ZP4: variants seen among roughly 807,000 people sequenced by gnomAD.
ZP4 encodes the protein zona pellucida glycoprotein 4.
Under a neutral mutation model 62.3 loss-of-function variants are expected in ZP4, and 62 were observed. The ratio of observed to expected loss-of-function variants is 0.99; its 90% CI spans 0.81 to 1.23. The LOEUF (loss-of-function observed/expected upper bound fraction) is 1.23, where lower values mean the gene tolerates loss of function less well. ZP4 is among the 50% of genes most tolerant of loss of function. The pLI is 0.00. For synonymous variants in ZP4, 289 were observed against 247.3 expected (o/e 1.17, Z -1.58); for missense variants, 774 against 656.0 (o/e 1.18, Z -1.97).
chr1:237,889,898 C>T lies in ZP4; in HGVS notation c.369G>A (p.Arg123=), dbSNP rs1665197267. The change falls in exon 3 of 12, where the codon AGG becomes AGA. Residue 123 remains arginine, a synonymous_variant. Transcript: ENST00000366570. ...GATCCATAGGACACTTGAGCAGCTT[C>T]CTCTCTGTAACCACCTTGTGTTCAG... The part of the protein sequence containing the change: ...GAAEHKVVTE[R]KLLKCPMDLL... The T allele has an allele frequency of 2.5e-6, 4 of 1,608,986 alleles. No individual in the cohort carries two copies. The highest frequency in any genetic ancestry group is 1.3e-5 in the African/African-American group (1 of 74,844).
At position 237,887,312 on chromosome 1, in the gene ZP4, C is replaced by T. The variant is rs527779020; in HGVS notation, c.741+62G>A. ...CGGCCAACATATTTCAGCTCTCCCCCACTAGTCACTACAACCTTCCCACCC... is the reference window on the plus strand; with the variant it reads ...CGGCCAACATATTTCAGCTCTCCCCTACTAGTCACTACAACCTTCCCACCC... On this transcript the variant is annotated intron_variant, in intron 5 of 11. Coordinates refer to ENST00000366570, the MANE Select transcript of ZP4 (RefSeq NM_021186.5). 2.8e-5 allele frequency: 44 copies of T among 1,567,204 alleles called. No homozygotes were observed. In the African/African-American group the frequency reaches 5.3e-4, roughly 19 times the overall value.
rs1395765976 is a variant in ZP4, at chr1:237,886,847, A to G, written c.763T>C (p.Tyr255His). Residue 255 changes from tyrosine to histidine, a missense_variant, in exon 6 of 12, where the codon TAT becomes CAT. By Grantham distance (83) the Tyr-to-His change is moderately conservative. Coordinates refer to ENST00000366570, the MANE Select transcript of ZP4 (RefSeq NM_021186.5). ...CTAGTTGCCACCAGTTCATTTTCAT[A>G]TACTGCTCGGTCTCCAGTGATCTAC... is the stretch of plus-strand genomic sequence containing the variant. ...TRQITGDRAVYENELVATRDV... is the reference protein window; with the variant it reads ...TRQITGDRAVHENELVATRDV... 2 of 1,614,022 alleles carry G rather than the reference A, an allele frequency of 1.2e-6. No homozygotes were observed. The highest frequency in any genetic ancestry group is 1.7e-5 in the Admixed American group (1 of 60,012).
intron 3 of ZP4, 49 bp downstream of exon 3, chr1:237,889,818 A>AC: frequency 2.4e-5 from 36 of 1,506,548 alleles, no homozygotes; most frequent in Non-Finnish European, 2.7e-5. Flanking sequence ...GTACTTTCAC[A>AC]CCCCACCCCC....
rs1665119032 is a variant in ZP4, at chr1:237,887,007, G to A, written c.742-139C>T. On this transcript the variant is annotated intron_variant, in intron 5 of 11. Transcript: ENST00000366570. ...ACTTCAGCAGAGGTAAGAACACATA[G>A]CAGTGACATCCTGGCAAGTTATCAC... The A allele has an allele frequency of 5.4e-6, 4 of 742,272 alleles. No homozygotes were observed. In the Admixed American group the frequency reaches 8.2e-5, roughly 15 times the overall value. 46.0% of individuals were successfully genotyped at this position (742,272 alleles called of 1,614,324 possible).
intron 7 of ZP4, 81 bp downstream of exon 7, chr1:237,885,675 T>C: frequency 6.3e-7 from 1 of 1,594,612 alleles, no homozygotes; most frequent in Admixed American, 1.7e-5. Flanking sequence ...CTTAAGTGTC[T>C]TGTTACTAAC....
At position 237,882,518 on chromosome 1, in the gene ZP4, C is replaced by G; in HGVS notation, c.1527G>C (p.Val509=). Residue 509 remains valine (V), a synonymous_variant, in exon 12 of 12, where the codon GTG becomes GTC. Coordinates refer to ENST00000366570, the MANE Select transcript of ZP4 (RefSeq NM_021186.5). ...RVPVDSKVLW[V]AGLSGTLILG... is the part of the protein sequence containing the mutation. ...GGATTAAGGTCCCAGAAAGGCCTGCCACCCACAGAACTTTCGAGTCTACAG... is the reference window on the plus strand; with the variant it reads ...GGATTAAGGTCCCAGAAAGGCCTGCGACCCACAGAACTTTCGAGTCTACAG... 6.2e-7 allele frequency: 1 copy of G among 1,606,958 alleles called. No homozygotes were observed.
At chr1:237,883,362 A>C (rs12091883) in intron 10 of ZP4, among the ~76,000 whole-genome samples, 2,697 of 151,804 alleles carry the variant, frequency 0.018, 74 homozygotes, top group African/African-American at 0.057. Context: ...CAGTGAGGAA[A>C]AAAAGCTTTC....
In ZP4 at chr1:237,884,818, GC is replaced by G. The variant is rs777513126; in HGVS notation, c.1340del (p.Cys447SerfsTer11). On this transcript the variant is annotated frameshift_variant, in exon 10 of 12. Transcript: ENST00000366570. LOFTEE classifies it high-confidence loss of function. ...CACAGGATGGTGTCTCAGCAGGCTG[GC>G]AGACTGACACGCTGCAGTGCAGATG... The part of the protein sequence containing the change: ...PVHLHCSVSV[C>X]QPAETPSCVV... The G allele has an allele frequency of 6.2e-7, 1 of 1,613,558 alleles. No homozygotes were observed. Among genetic ancestry groups the G allele is most frequent in the South Asian group, 1.1e-5 (1 of 90,854 alleles).
Position 237,888,429 on chromosome 1 carries a change from C to A in ZP4, c.482G>T (p.Arg161Leu). ...ACAGCCTAGCCCTTCACAGTCTCCT[C>A]GAGAGATGGGTGAAGGTGCACATGG... is the stretch of plus-strand genomic sequence containing the variant. ...RLPCAPSPIS[R>L]GDCEGLGCCY... The change falls in exon 4 of 12, where the codon CGA becomes CTA. Residue 161 changes from arginine (R) to leucine (L), a missense_variant. Transcript: ENST00000366570. 6.2e-7 allele frequency: 1 copy of A among 1,612,292 alleles called. No homozygotes were observed. The highest frequency in any genetic ancestry group is 1.1e-5 in the South Asian group (1 of 90,684).
Position 237,883,983 on chromosome 1 carries a change from AACACACACACACACAC to A in ZP4, c.1390+770_1390+785del, listed in dbSNP as rs1173733667. On this transcript the variant is annotated intron_variant, in intron 10 of 11. Coordinates refer to ENST00000366570, the MANE Select transcript of ZP4 (RefSeq NM_021186.5). ...ACACACACAAACACACACACACACA[AACACACACACACACAC>A]ACACACACACACACACAAACACACA... is the stretch of plus-strand genomic sequence containing the variant. Among the ~76,000 whole-genome samples the A allele has an allele frequency of 4.0e-4, 17 of 42,420 alleles. No homozygotes were observed. The South Asian group carries it at 0.015, about 37-fold the overall frequency. The allele number at this position is 42,420 out of a possible 152,430, so 27.8% of individuals were successfully genotyped here.
chr1:237,882,786 G>C lies in ZP4; in HGVS notation c.1451C>G (p.Pro484Arg). ...NTTASVSSKG[P>R]MILLQATKDP... Reference sequence around the variant, plus strand: ...CTTAGTGGCTTGGAGTAGAATCATGGGGCCTTTGCTAGAAACACTAGCAGT... The same window carrying C: ...CTTAGTGGCTTGGAGTAGAATCATGCGGCCTTTGCTAGAAACACTAGCAGT... The change falls in exon 11 of 12, where the codon CCC becomes CGC. Residue 484 changes from proline (P) to arginine (R), a missense_variant. Pro to Arg is a moderately radical substitution (Grantham distance 103, BLOSUM62 -2). Transcript: ENST00000366570. The C allele has an allele frequency of 6.2e-7, 1 of 1,614,102 alleles. No individual in the cohort carries two copies. Among genetic ancestry groups the C allele is most frequent in the Non-Finnish European group, 8.5e-7 (1 of 1,180,014 alleles).
At chr1:237,887,237 T>C in intron 5 of ZP4, 137 bp downstream of exon 5, 1 of 984,166 alleles carries the variant, frequency 1.0e-6, no homozygotes, top group South Asian at 1.6e-5. Context: ...GGCATTCTCC[T>C]GCCCTAGGGA....
chr1:237,887,326 A>G (rs373501941), intron 5 of ZP4, 48 bp downstream of exon 5: 1 of 1,597,488 alleles, frequency 6.3e-7, no homozygotes, highest in Non-Finnish European at 8.5e-7. Context: ...AGTCACTACA[A>G]CCTTCCCACC....
chr1:237,890,049 A>G lies in ZP4; in HGVS notation c.297+6T>C, dbSNP rs544017319. ...ACAGTCTCCCTGGCCATTGGGTCAT[A>G]CTCACCCACTCAGTGACATAGCAGC... On this transcript the variant is annotated splice_donor_region_variant and intron_variant, in intron 2 of 11. Coordinates refer to ENST00000366570, the MANE Select transcript of ZP4 (RefSeq NM_021186.5). 2 of 1,613,890 alleles carry G rather than the reference A, an allele frequency of 1.2e-6. No individual in the cohort carries two copies. The highest frequency in any genetic ancestry group is 2.7e-5 in the African/African-American group (2 of 74,952).
intron 3 of ZP4, 60 bp downstream of exon 3, chr1:237,889,807 A>G: frequency 2.1e-6 from 3 of 1,462,604 alleles, no homozygotes; most frequent in South Asian, 2.3e-5. Flanking sequence ...GAGGACCAAG[A>G]GTACTTTCAC....
rs763429007 is a variant in ZP4 at position 237,887,429 on chromosome 1, G to A, written c.686C>T (p.Thr229Ile). 2 of 1,614,096 alleles carry A rather than the reference G, an allele frequency of 1.2e-6. No homozygotes were observed. Among genetic ancestry groups the A allele is most frequent in the African/African-American group, 1.3e-5 (1 of 74,940 alleles). Residue 229 changes from threonine to isoleucine, a missense_variant, in exon 5 of 12, where the codon ACA (threonine) becomes ATA (isoleucine). By Grantham distance (89) the Thr-to-Ile change is moderately conservative. Coordinates refer to ENST00000366570, the MANE Select transcript of ZP4 (RefSeq NM_021186.5). The part of the protein sequence containing the change: ...NDSACNPVMA[T>I]QAFVLFQFPF... ...AAACTGGAACAGAACAAAAGCTTGT[G>A]TTGCCATCACAGGGTTACACGCACT...
In ZP4 at chr1:237,886,993, G is replaced by A. The variant is rs942422085; in HGVS notation, c.742-125C>T. 24 of 817,742 alleles carry A rather than the reference G, an allele frequency of 2.9e-5. No homozygotes were observed. The Admixed American group carries it at 5.6e-4, about 19-fold the overall frequency. The allele number at this position is 817,742 out of a possible 1,614,324, so 50.7% of individuals were successfully genotyped here. On this transcript the variant is annotated intron_variant, in intron 5 of 11. Coordinates refer to ENST00000366570, the MANE Select transcript of ZP4 (RefSeq NM_021186.5). The stretch of plus-strand genomic sequence containing the variant: ...GTATATTTCCTATTACTTCAGCAGA[G>A]GTAAGAACACATAGCAGTGACATCC...
Position 237,890,846 on chromosome 1 carries a change from A to G in ZP4, c.-211T>C. On this transcript the variant is annotated 5_prime_UTR_variant, in exon 1 of 12. Coordinates refer to ENST00000366570, the MANE Select transcript of ZP4 (RefSeq NM_021186.5). The stretch of plus-strand genomic sequence containing the variant: ...AGTCTGCAGCTGCCTCACATTAAAT[A>G]CCACAATCCAGGCAGACTTCAGAGC... 2.1e-6 allele frequency: 1 copy of G among 482,696 alleles called. No individual in the cohort carries two copies. The highest frequency in any genetic ancestry group is 3.9e-5 in the South Asian group (1 of 25,466). 29.9% of individuals were successfully genotyped at this position (482,696 alleles called of 1,614,324 possible).
rs1317432930 is a variant in ZP4 at position 237,884,053 on chromosome 1, AACACACACAAACAC to A, written c.1390+702_1390+715del. ...ACACAAACACACACAAACACACACA[AACACACACAAACAC>A]ACACAAACACACACAAACACACACA... On this transcript the variant is annotated intron_variant, in intron 10 of 11. Transcript: ENST00000366570. 3.5e-4 allele frequency among the ~76,000 whole-genome samples: 44 copies of A among 124,416 alleles called. 2 individuals carry two copies. Among genetic ancestry groups the A allele is most frequent in the African/African-American group, 1.8e-3 (40 of 22,804 alleles). 81.6% of individuals were successfully genotyped at this position (124,416 alleles called of 152,430 possible).
Sources: allele counts gnomAD v4.1 joint callset (sites outside exome capture counted in the v4.1 genomes callset), GRCh38; gene constraint gnomAD v4.1.1; transcripts MANE v1.5; gene names NCBI Gene and HGNC (gene_info 2026-07-23, HGNC 2026-07-21).